Variants in CDH10 observed in about 807,000 individuals in gnomAD.
CDH10 encodes the protein cadherin-10.
In CDH10, 30 loss-of-function variants were observed where a neutral mutation model predicts 73.1. The observed-to-expected ratio is 0.41, with a 90% CI of 0.31 to 0.56. CDH10 has a LOEUF of 0.56. Among genes scored for constraint, CDH10 ranks in the 20% least tolerant of loss-of-function variants. The pLI is 0.27. For missense variants in CDH10, 815 were observed against 973.7 expected (o/e 0.84, Z 2.17); for synonymous variants, 345 against 348.2 (o/e 0.99, Z 0.10).
chr5:24,585,505 C>A (rs896084881), intron 2 of CDH10, among the ~76,000 whole-genome samples: 2 of 152,150 alleles, frequency 1.3e-5, no homozygotes, highest in Admixed American at 1.3e-4. Context: ...TCACTGCAAC[C>A]TCCGCCTCCC....
chr5:24,533,781 T>C (rs935054728), intron 5 of CDH10, among the ~76,000 whole-genome samples: 9 of 152,046 alleles, frequency 5.9e-5, no homozygotes, highest in African/African-American at 2.2e-4. Flanking sequence ...TTATTTTTCT[T>C]ACCAATATTA....
At chr5:24,556,902 A>G (rs1401651785) in intron 2 of CDH10, among the ~76,000 whole-genome samples, 2 of 151,796 alleles carry the variant, frequency 1.3e-5, no homozygotes, top group Admixed American at 6.6e-5. Flanking sequence ...CACAAAAAGT[A>G]TTTCTATATA....
At position 24,511,305 on chromosome 5, in the gene CDH10, T is replaced by A. The variant is rs777213026; in HGVS notation, c.1002+22A>T. On this transcript the variant is annotated intron_variant, in intron 6 of 11. Transcript: ENST00000264463. ...CCTACTCCTGAAACACACAGATGCT[T>A]ATTTATATGGATGCTGTGCACCTTT... is the stretch of plus-strand genomic sequence containing the variant. 2.7e-6 allele frequency: 4 copies of A among 1,500,768 alleles called. No individual in the cohort carries two copies. The South Asian group carries it at 4.6e-5, about 17-fold the overall frequency. The allele number at this position is 1,500,768 out of a possible 1,614,324, so 93.0% of individuals were successfully genotyped here. A position where few individuals can be genotyped will look rare whatever the true frequency, so the allele number is the denominator to read the frequency against.
chr5:24,596,680 T>TA, intron 1 of CDH10, among the ~76,000 whole-genome samples: 1 of 152,090 alleles, frequency 6.6e-6, no homozygotes, highest in South Asian at 2.1e-4. Context: ...ATTTCAACCC[T>TA]GATATGTAAC....
intron 9 of CDH10, among the ~76,000 whole-genome samples, chr5:24,496,826 A>T (rs895216083): frequency 6.6e-6 from 1 of 152,216 alleles, no homozygotes; most frequent in Non-Finnish European, 1.5e-5. Flanking sequence ...CTAGGATGTC[A>T]TAACCTAGAA....
intron 1 of CDH10, among the ~76,000 whole-genome samples, chr5:24,599,193 T>C (rs1746476391): frequency 6.6e-6 from 1 of 152,248 alleles, no homozygotes; most frequent in African/African-American, 2.4e-5. Flanking sequence ...GTAGCTAGGA[T>C]TTATTTCATT....
At chr5:24,622,376 T>C (rs1747347929) in intron 1 of CDH10, among the ~76,000 whole-genome samples, 1 of 152,142 alleles carries the variant, frequency 6.6e-6, no homozygotes, top group Non-Finnish European at 1.5e-5. Flanking sequence ...AGAAAGGGCC[T>C]GAGGGAAGAA....
intron 2 of CDH10, among the ~76,000 whole-genome samples, chr5:24,560,033 CCTGA>C (rs1384666998): frequency 1.8e-4 from 27 of 152,170 alleles, no homozygotes; most frequent in African/African-American, 6.0e-4. Flanking sequence ...TTTGTGAACA[CCTGA>C]CTATTTGTGT....
intron 2 of CDH10, chr5:24,578,496 C>A: frequency 2.8e-6 from 1 of 358,128 alleles, no homozygotes; most frequent in Non-Finnish European, 5.7e-6. Flanking sequence ...GATTCACCAG[C>A]TACATATCTT....
At position 24,491,053 on chromosome 5, in the gene CDH10, C is replaced by T. The variant is rs73746536; in HGVS notation, c.1876+523G>A. On this transcript the variant is annotated intron_variant, in intron 11 of 11. Transcript: ENST00000264463. ...AGGATGTTTCAGAAGAACCATTGCC[C>T]CAGACTCTGTTACTACACCACTCAA... is the stretch of plus-strand genomic sequence containing the variant. Among the ~76,000 whole-genome samples the T allele has an allele frequency of 9.6e-3, 1,464 of 152,204 alleles. 30 individuals are homozygous for T. Among genetic ancestry groups the T allele is most frequent in the African/African-American group, 0.033 (1,390 of 41,514 alleles).
chr5:24,563,377 A>G (rs943530803), intron 2 of CDH10, among the ~76,000 whole-genome samples: 13 of 151,370 alleles, frequency 8.6e-5, no homozygotes, highest in East Asian at 3.9e-4. Flanking sequence ...GTGATATTCA[A>G]TTTGGTTGAC....
At chr5:24,511,539 G>T in intron 5 of CDH10, 25 bp from the exon 6 acceptor site, 1 of 816,580 alleles carries the variant, frequency 1.2e-6, no homozygotes, top group Non-Finnish European at 1.9e-6. Context: ...GAAAAGAAGA[G>T]AGAGACAGAG....
chr5:24,624,169 A>G (rs1561201929), intron 1 of CDH10, among the ~76,000 whole-genome samples: 1 of 152,080 alleles, frequency 6.6e-6, no homozygotes, highest in Non-Finnish European at 1.5e-5. Context: ...TTATAAACCA[A>G]TAACACTCCT....
chr5:24,501,649 C>A (rs74568811), intron 8 of CDH10, among the ~76,000 whole-genome samples: 1 of 152,130 alleles, frequency 6.6e-6, no homozygotes, highest in East Asian at 1.9e-4. Flanking sequence ...AATTTTAAAT[C>A]ATTATCTAGA....
intron 1 of CDH10, among the ~76,000 whole-genome samples, chr5:24,640,640 T>C (rs1454911263): frequency 1.3e-5 from 2 of 151,872 alleles, no homozygotes; most frequent in African/African-American, 4.8e-5. Context: ...CTGAAAGGCA[T>C]TTTTATATGA....
At chr5:24,638,520 A>C (rs554497685) in intron 1 of CDH10, among the ~76,000 whole-genome samples, 213 of 151,904 alleles carry the variant, frequency 1.4e-3, no homozygotes, top group African/African-American at 5.0e-3. Context: ...CTCATCTCCA[A>C]AGGAATAACT....
chr5:24,535,650 A>T, intron 4 of CDH10, 53 bp downstream of exon 4: 1 of 1,534,772 alleles, frequency 6.5e-7, no homozygotes, highest in Non-Finnish European at 8.9e-7. Flanking sequence ...CTTTCTACTG[A>T]TAAAGGTCAT....
chr5:24,643,158 T>C (rs1426453972), intron 1 of CDH10, among the ~76,000 whole-genome samples: 1 of 152,140 alleles, frequency 6.6e-6, no homozygotes, highest in Non-Finnish European at 1.5e-5. Flanking sequence ...TGAATACATA[T>C]GTGCCACATT....
At chr5:24,495,789 T>C (rs975720378) in intron 9 of CDH10, among the ~76,000 whole-genome samples, 1 of 150,778 alleles carries the variant, frequency 6.6e-6, no homozygotes, top group African/African-American at 2.4e-5. Context: ...GAGGCGGAGG[T>C]TGCAGTGAGC....
Sources: allele counts gnomAD v4.1 joint callset (sites outside exome capture counted in the v4.1 genomes callset), GRCh38; gene constraint gnomAD v4.1.1; transcripts MANE v1.5; gene names NCBI Gene and HGNC (gene_info 2026-07-23, HGNC 2026-07-21).